Variants in WWOX observed in about 807,000 individuals in gnomAD.
WWOX encodes the protein WW domain-containing oxidoreductase.
WWOX carries 69 observed loss-of-function variants against 46.2 expected under a neutral mutation model. The observed-to-expected ratio is 1.49, with a 90% CI of 1.23 to 1.82. The LOEUF (loss-of-function observed/expected upper bound fraction) is 1.82. Among genes scored for constraint, WWOX ranks in the 40% most tolerant of loss-of-function variants. The pLI is 0.00. For synonymous variants in WWOX, 359 were observed against 202.6 expected (o/e 1.77, Z -6.56); for missense variants, 919 against 542.6 (o/e 1.69, Z -6.89).
chr16:78,578,271 TATATATATATATA>T (rs1422280417), intron 8 of WWOX, among the ~76,000 whole-genome samples: 1 of 33,768 alleles, frequency 3.0e-5, no homozygotes, highest in East Asian at 6.4e-4. Flanking sequence ...TATATATATA[TATATATATATATA>T]TTTTTTTTTT....
chr16:79,166,174 G>C (rs1475946968), intron 8 of WWOX, among the ~76,000 whole-genome samples: 1 of 152,060 alleles, frequency 6.6e-6, no homozygotes, highest in African/African-American at 2.4e-5. Flanking sequence ...CTTGTTTTTA[G>C]GAAAACATGA....
intron 1 of WWOX, among the ~76,000 whole-genome samples, chr16:78,106,316 C>G (rs1398095663): frequency 2.0e-5 from 3 of 150,882 alleles, no homozygotes; most frequent in African/African-American, 4.9e-5. Flanking sequence ...TGTTGCCATT[C>G]ATTTTGAAGG....
intron 8 of WWOX, among the ~76,000 whole-genome samples, chr16:78,454,092 C>T (rs1029080063): frequency 6.6e-6 from 1 of 152,100 alleles, no homozygotes; most frequent in African/African-American, 2.4e-5. Context: ...CCAAGAAATT[C>T]CCCAGCAAGC....
chr16:78,856,331 C>G (rs529814862), intron 8 of WWOX, among the ~76,000 whole-genome samples: 2 of 152,270 alleles, frequency 1.3e-5, no homozygotes, highest in Middle Eastern at 6.8e-3. Flanking sequence ...CTTGTAGTGA[C>G]TTTTATCGAA....
intron 8 of WWOX, among the ~76,000 whole-genome samples, chr16:78,693,271 G>T (rs1288481979): frequency 6.6e-6 from 1 of 152,130 alleles, no homozygotes; most frequent in Non-Finnish European, 1.5e-5. Flanking sequence ...TAGAGGTCTA[G>T]CCTACAAAGA....
At chr16:78,739,671 C>T (rs990990355) in intron 8 of WWOX, among the ~76,000 whole-genome samples, 1 of 152,052 alleles carries the variant, frequency 6.6e-6, no homozygotes, top group Non-Finnish European at 1.5e-5. Flanking sequence ...ATTAGCTTGG[C>T]TTCCTGGTGC....
intron 8 of WWOX, among the ~76,000 whole-genome samples, chr16:78,462,402 A>G (rs2083973546): frequency 6.6e-6 from 1 of 152,156 alleles, no homozygotes. Context: ...CCGGCCATAG[A>G]TTTATCCTGT....
intron 5 of WWOX, among the ~76,000 whole-genome samples, chr16:78,311,836 A>G (rs1183826155): frequency 1.3e-5 from 2 of 152,144 alleles, no homozygotes; most frequent in African/African-American, 2.4e-5. Flanking sequence ...AAGTTCTTCA[A>G]ACTTAGTGTC....
intron 8 of WWOX, among the ~76,000 whole-genome samples, chr16:78,983,781 G>C (rs760284655): frequency 3.3e-5 from 5 of 151,500 alleles, no homozygotes; most frequent in Admixed American, 6.6e-5. Flanking sequence ...CTGTGACTTT[G>C]AGACATATCT....
chr16:78,321,635 C>G (rs1403700809), intron 5 of WWOX, among the ~76,000 whole-genome samples: 3 of 151,904 alleles, frequency 2.0e-5, no homozygotes, highest in African/African-American at 4.8e-5. Flanking sequence ...TATCTTATTA[C>G]TCTGTCATTT....
intron 8 of WWOX, among the ~76,000 whole-genome samples, chr16:78,779,355 C>G (rs2050269358): frequency 6.6e-6 from 1 of 152,122 alleles, no homozygotes; most frequent in Admixed American, 6.5e-5. Flanking sequence ...CTGTGTTGCC[C>G]AGACTGGTCT....
At chr16:78,623,002 T>G (rs1274673245) in intron 8 of WWOX, among the ~76,000 whole-genome samples, 1 of 151,896 alleles carries the variant, frequency 6.6e-6, no homozygotes, top group Non-Finnish European at 1.5e-5. Flanking sequence ...AGCAAGAAAA[T>G]GAGGACATTA....
At chr16:78,878,435 A>G (rs2044276384) in intron 8 of WWOX, among the ~76,000 whole-genome samples, 1 of 152,172 alleles carries the variant, frequency 6.6e-6, no homozygotes, top group African/African-American at 2.4e-5. Flanking sequence ...TCTTCAGCTA[A>G]ATGAGGATGA....
At chr16:78,377,828 T>C (rs913310316) in intron 5 of WWOX, among the ~76,000 whole-genome samples, 2 of 152,234 alleles carry the variant, frequency 1.3e-5, no homozygotes, top group African/African-American at 4.8e-5. Context: ...TAAGCTGTTA[T>C]CTGGTGCAAT....
At position 78,671,147 on chromosome 16, in the gene WWOX, G is replaced by C. The variant is rs118167372; in HGVS notation, c.1056+238395G>C. Among the ~76,000 whole-genome samples the C allele has an allele frequency of 1.4e-3, 211 of 152,304 alleles. 3 individuals are homozygous for C. In the East Asian group the frequency reaches 0.027, roughly 20 times the overall value. ...AAAGAATAAATTGCTGTTGGGCCAGGTACAGTGGCTCATGCCTGTAATCCC... is the reference window on the plus strand; with the variant it reads ...AAAGAATAAATTGCTGTTGGGCCAGCTACAGTGGCTCATGCCTGTAATCCC... On this transcript the variant is annotated intron_variant, in intron 8 of 8. Coordinates refer to ENST00000566780, the MANE Select transcript of WWOX (RefSeq NM_016373.4).
intron 8 of WWOX, among the ~76,000 whole-genome samples, chr16:78,681,895 G>A (rs2738623): frequency 2.6e-5 from 4 of 151,964 alleles, no homozygotes; most frequent in Admixed American, 2.6e-4. Context: ...GCCCCACCCC[G>A]CAGAGCCCCT....
At chr16:78,567,931 C>T (rs545931155) in intron 8 of WWOX, among the ~76,000 whole-genome samples, 7 of 152,154 alleles carry the variant, frequency 4.6e-5, no homozygotes, top group African/African-American at 1.2e-4. Flanking sequence ...AGTGGCTCAC[C>T]GGGGCTCTGC....
chr16:78,276,054 C>T (rs1304444524), intron 5 of WWOX, among the ~76,000 whole-genome samples: 1 of 152,172 alleles, frequency 6.6e-6, no homozygotes, highest in Admixed American at 6.5e-5. Context: ...GCAGGGGTTT[C>T]TGAGACAGAC....
At chr16:79,094,215 G>A (rs934536409) in intron 8 of WWOX, among the ~76,000 whole-genome samples, 2 of 150,858 alleles carry the variant, frequency 1.3e-5, no homozygotes, top group South Asian at 2.1e-4. Context: ...TTTTGCCAGC[G>A]CTCTCGTCTG....
Sources: allele counts gnomAD v4.1 joint callset (sites outside exome capture counted in the v4.1 genomes callset), GRCh38; gene constraint gnomAD v4.1.1; transcripts MANE v1.5; gene names NCBI Gene and HGNC (gene_info 2026-07-23, HGNC 2026-07-21).